FER: variants seen among roughly 807,000 people sequenced by gnomAD.
FER encodes FER tyrosine kinase.
FER carries 63 observed loss-of-function variants against 111.0 expected under a neutral mutation model. The ratio of observed to expected loss-of-function variants is 0.57; its 90% CI spans 0.46 to 0.70. The LOEUF is 0.70. FER is among the 30% of genes least tolerant of loss of function. The pLI is 0.00. For missense variants in FER, 914 were observed against 954.0 expected, an observed-to-expected ratio of 0.96 and a Z score of 0.55; for synonymous variants, 327 against 313.9, an observed-to-expected ratio of 1.04 and a Z score of -0.44.
chr5:108,825,269 A>G (rs954206743), intron 3 of FER, among the ~76,000 whole-genome samples: 20 of 152,118 alleles, frequency 1.3e-4, no homozygotes, highest in South Asian at 2.1e-4. Context: ...AGTTTATTTC[A>G]CCCCTGCAGT....
intron 18 of FER, among the ~76,000 whole-genome samples, chr5:109,184,389 A>G (rs1295332068): frequency 1.3e-5 from 2 of 152,088 alleles, no homozygotes; most frequent in Admixed American, 1.3e-4. Context: ...TGAGACATAG[A>G]AAAGTAGCCA....
chr5:109,030,687 T>C (rs1280104716), intron 13 of FER, among the ~76,000 whole-genome samples: 1 of 152,124 alleles, frequency 6.6e-6, no homozygotes, highest in East Asian at 1.9e-4. Context: ...TGGGATTGTT[T>C]GGTAGACTTC....
chr5:108,985,551 C>T (rs1384188405), intron 13 of FER, among the ~76,000 whole-genome samples: 5 of 152,010 alleles, frequency 3.3e-5, no homozygotes, highest in East Asian at 1.9e-4. Flanking sequence ...GAGCAGTATA[C>T]GCTGTACCCA....
chr5:109,076,226 T>C (rs930658521), intron 16 of FER, among the ~76,000 whole-genome samples: 2 of 152,142 alleles, frequency 1.3e-5, no homozygotes, highest in African/African-American at 4.8e-5. Flanking sequence ...AGTTATCTTC[T>C]ATCATGTAAC....
rs552631196 is a variant in FER at position 108,823,181 on chromosome 5, T to C, written c.208-9589T>C. Among the ~76,000 whole-genome samples the C allele has an allele frequency of 4.1e-4, 62 of 152,360 alleles. No homozygotes were observed. In the South Asian group the frequency reaches 0.012, roughly 31 times the overall value. On this transcript the variant is annotated intron_variant, in intron 3 of 19. Coordinates refer to ENST00000281092, the MANE Select transcript of FER (RefSeq NM_005246.4). ...TGTGCCTGGCCTGGGGATCAAACTT[T>C]AACGTGAGTTTTGGTGGGGACAAAC...
chr5:108,767,657 A>C (rs1752469675), intron 1 of FER, among the ~76,000 whole-genome samples: 1 of 152,020 alleles, frequency 6.6e-6, no homozygotes. Context: ...ACTAATTTTT[A>C]AACTTATAGA....
rs1759757672 is a variant in FER at position 109,196,564 on chromosome 5, AGTTG to A, written c.*8994_*8997del. The A allele has an allele frequency of 6.6e-6, 1 of 152,160 alleles. No individual in the cohort carries two copies. The highest frequency in any genetic ancestry group is 2.1e-4 in the South Asian group (1 of 4,832). The allele number at this position is 152,160 out of a possible 1,614,324, so 9.4% of individuals were successfully genotyped here. On this transcript the variant is annotated 3_prime_UTR_variant, in exon 20 of 20. Transcript: ENST00000281092. ...TGGATGAAAGCTAAATATATAAAGCAGTTGGTTGTCTATCTTTTATCATTTTTAC... is the reference window on the plus strand; with the variant it reads ...TGGATGAAAGCTAAATATATAAAGCAGTTGTCTATCTTTTATCATTTTTAC...
At position 109,119,689 on chromosome 5, in the gene FER, G is replaced by A. The variant is rs111985608; in HGVS notation, c.2048+19170G>A. 7.8e-3 allele frequency among the ~76,000 whole-genome samples: 1,191 copies of A among 152,108 alleles called. 11 individuals are homozygous for A. The highest frequency in any genetic ancestry group is 0.028 in the African/African-American group (1,156 of 41,496). Reference sequence around the variant, plus strand: ...AAGGACTTGCTTTATGAATCTGGGTGCTCCTGTATTGGGTGCATAGTGTTT... The same window carrying A: ...AAGGACTTGCTTTATGAATCTGGGTACTCCTGTATTGGGTGCATAGTGTTT... On this transcript the variant is annotated intron_variant, in intron 17 of 19. Coordinates refer to ENST00000281092, the MANE Select transcript of FER (RefSeq NM_005246.4).
chr5:109,076,424 A>G (rs1195767507), intron 16 of FER, among the ~76,000 whole-genome samples: 2 of 151,782 alleles, frequency 1.3e-5, no homozygotes, highest in Non-Finnish European at 2.9e-5. Flanking sequence ...ATTCTGCTGT[A>G]ATTTCTTTTG....
At chr5:108,829,167 A>G (rs1323793532) in intron 3 of FER, among the ~76,000 whole-genome samples, 1 of 152,218 alleles carries the variant, frequency 6.6e-6, no homozygotes, top group African/African-American at 2.4e-5. Context: ...CAGCTAATTC[A>G]AGGAATTATA....
intron 3 of FER, among the ~76,000 whole-genome samples, chr5:108,798,995 T>G (rs1756347713): frequency 1.3e-5 from 2 of 152,184 alleles, no homozygotes; most frequent in Non-Finnish European, 2.9e-5. Context: ...ACCCTGCTAT[T>G]TTTCCCTTTT....
intron 3 of FER, among the ~76,000 whole-genome samples, chr5:108,828,773 T>C (rs1759735053): frequency 6.6e-6 from 1 of 152,190 alleles, no homozygotes; most frequent in Non-Finnish European, 1.5e-5. Flanking sequence ...GGTCTTCAAG[T>C]GGCCGACAAT....
intron 10 of FER, among the ~76,000 whole-genome samples, chr5:108,920,008 A>G (rs1581201982): frequency 6.6e-6 from 1 of 152,104 alleles, no homozygotes. Context: ...AGTTCAATAA[A>G]TGGTAGCTAT....
intron 2 of FER, among the ~76,000 whole-genome samples, chr5:108,796,760 C>T (rs1756073378): frequency 1.3e-5 from 2 of 152,048 alleles, no homozygotes; most frequent in African/African-American, 2.4e-5. Context: ...GGGACTTACC[C>T]TGCAGGGCAG....
intron 3 of FER, among the ~76,000 whole-genome samples, chr5:108,819,179 C>CT (rs775764459): frequency 0.37 from 47,075 of 127,122 alleles, 9,538 homozygotes; most frequent in African/African-American, 0.55. Context: ...CCATGCTCAG[C>CT]TTTTTTTTTT....
At chr5:108,982,529 T>A (rs568783230) in intron 13 of FER, among the ~76,000 whole-genome samples, 1 of 152,214 alleles carries the variant, frequency 6.6e-6, no homozygotes, top group Admixed American at 6.6e-5. Flanking sequence ...GTTCCAAAAT[T>A]GATTTTTGCA....
intron 10 of FER, chr5:108,924,906 A>C: frequency 1.2e-6 from 1 of 813,208 alleles, no homozygotes; most frequent in Non-Finnish European, 1.6e-6. Flanking sequence ...ATTTCTCTTG[A>C]CTTCTGAATC....
chr5:109,113,238 C>T (rs980763427), intron 17 of FER, among the ~76,000 whole-genome samples: 2 of 152,088 alleles, frequency 1.3e-5, no homozygotes, highest in Admixed American at 1.3e-4. Flanking sequence ...CTGGGTTTTT[C>T]CTGCCTGATC....
intron 14 of FER, among the ~76,000 whole-genome samples, chr5:109,042,595 A>G (rs868286068): frequency 3.9e-5 from 6 of 152,326 alleles, no homozygotes; most frequent in Middle Eastern, 3.4e-3. Context: ...TCAAATGCCT[A>G]GTACATGCCA....
Sources: gnomAD v4.1 joint callset for allele counts (sites outside exome capture counted in the v4.1 genomes callset) on GRCh38, gnomAD v4.1.1 for gene constraint, MANE v1.5 for transcripts, NCBI Gene and HGNC (gene_info 2026-07-23, HGNC 2026-07-21) for gene names.